Variants in MACROD2 observed in about 807,000 individuals in gnomAD.
MACROD2 encodes the protein mono-ADP ribosylhydrolase 2.
MACROD2 carries 36 observed loss-of-function variants against 70.4 expected under a neutral mutation model. The observed-to-expected ratio is 0.51, with a 90% CI of 0.39 to 0.68. The LOEUF (loss-of-function observed/expected upper bound fraction) is 0.68, where lower values mean the gene tolerates loss of function less well. Among genes scored for constraint, MACROD2 ranks in the 30% least tolerant of loss-of-function variants. MACROD2 has a pLI of 0.00. For missense variants in MACROD2, 496 were observed against 538.4 expected, an observed-to-expected ratio of 0.92 and a Z score of 0.78; for synonymous variants, 172 against 178.8, an observed-to-expected ratio of 0.96 and a Z score of 0.30.
intron 5 of MACROD2, among the ~76,000 whole-genome samples, chr20:15,206,531 TTTATA>T (rs2076703892): frequency 1.3e-5 from 2 of 151,772 alleles, no homozygotes; most frequent in African/African-American, 4.8e-5. Context: ...CAGAAAGCAT[TTTATA>T]TTAAGTAATT....
chr20:14,003,653 T>C, intron 2 of MACROD2: 1 of 447,926 alleles, frequency 2.2e-6, no homozygotes, highest in South Asian at 1.9e-5. Context: ...AACAGAAGGG[T>C]GGGAAGCCAG....
At chr20:15,242,438 TATA>T (rs2077067717) in intron 6 of MACROD2, among the ~76,000 whole-genome samples, 1 of 152,226 alleles carries the variant, frequency 6.6e-6, no homozygotes, top group Admixed American at 6.5e-5. Context: ...TTATTTTTTA[TATA>T]ATAAGTGTTT....
chr20:15,153,202 G>A (rs183281911), intron 5 of MACROD2, among the ~76,000 whole-genome samples: 89 of 151,930 alleles, frequency 5.9e-4, no homozygotes, highest in African/African-American at 1.8e-3. Flanking sequence ...TGTGAGCAAC[G>A]AGGCTATTTA....
At chr20:15,257,944 TGGA>T (rs1389474717) in intron 6 of MACROD2, among the ~76,000 whole-genome samples, 1 of 151,862 alleles carries the variant, frequency 6.6e-6, no homozygotes, top group Non-Finnish European at 1.5e-5. Context: ...GGACAAGATG[TGGA>T]GGAGGAAGAC....
chr20:15,431,203 C>T (rs6034188), intron 6 of MACROD2, among the ~76,000 whole-genome samples: 96,331 of 151,760 alleles, frequency 0.63, 31,421 homozygotes, highest in African/African-American at 0.77. Flanking sequence ...AGTTGGTTCT[C>T]GTGAGCTGAT....
intron 10 of MACROD2, among the ~76,000 whole-genome samples, chr20:15,932,929 G>A (rs527725061): frequency 9.2e-5 from 14 of 152,300 alleles, no homozygotes; most frequent in African/African-American, 3.1e-4. Flanking sequence ...CTTACACAGT[G>A]CATGTTACTT....
chr20:14,477,395 A>C (rs894449999), intron 3 of MACROD2, among the ~76,000 whole-genome samples: 1 of 152,168 alleles, frequency 6.6e-6, no homozygotes, highest in Non-Finnish European at 1.5e-5. Flanking sequence ...CTGTTCATTG[A>C]GTAAGAGGTA....
chr20:15,318,223 C>T (rs2077835455), intron 6 of MACROD2, among the ~76,000 whole-genome samples: 1 of 152,036 alleles, frequency 6.6e-6, no homozygotes, highest in African/African-American at 2.4e-5. Context: ...TAACAAATTA[C>T]AAAACATGGA....
intron 3 of MACROD2, among the ~76,000 whole-genome samples, chr20:14,113,789 A>G (rs768335820): frequency 3.5e-4 from 54 of 152,264 alleles, no homozygotes; most frequent in Non-Finnish European, 6.0e-4. Context: ...ATTATTTTAA[A>G]TGCATAAGCC....
At chr20:15,283,533 A>G (rs770551715) in intron 6 of MACROD2, among the ~76,000 whole-genome samples, 106 of 152,116 alleles carry the variant, frequency 7.0e-4, no homozygotes, top group Non-Finnish European at 1.1e-3. Context: ...TTAGCTGGGC[A>G]TGGTGGCAGG....
chr20:14,249,894 C>A (rs2081996722), intron 3 of MACROD2, among the ~76,000 whole-genome samples: 1 of 152,024 alleles, frequency 6.6e-6, no homozygotes, highest in Non-Finnish European at 1.5e-5. Flanking sequence ...AAACTACACC[C>A]AGACACGGGG....
chr20:14,373,401 T>G (rs905550956), intron 3 of MACROD2, among the ~76,000 whole-genome samples: 1 of 152,162 alleles, frequency 6.6e-6, no homozygotes, highest in Non-Finnish European at 1.5e-5. Context: ...ACAAAAATAA[T>G]GGCAAATGTT....
intron 5 of MACROD2, among the ~76,000 whole-genome samples, chr20:14,936,857 C>A (rs2122694475): frequency 6.6e-6 from 1 of 152,262 alleles, no homozygotes; most frequent in East Asian, 1.9e-4. Flanking sequence ...CCATGCTCTT[C>A]TCCATGTCAG....
intron 3 of MACROD2, among the ~76,000 whole-genome samples, chr20:14,363,161 A>C (rs204627): frequency 0.7 from 105,888 of 152,072 alleles, 37,450 homozygotes; most frequent in Non-Finnish European, 0.75. Flanking sequence ...ATTAAAACTG[A>C]GACATCAGGC....
intron 3 of MACROD2, among the ~76,000 whole-genome samples, chr20:14,380,775 T>C (rs2083413406): frequency 6.6e-6 from 1 of 152,172 alleles, no homozygotes; most frequent in Non-Finnish European, 1.5e-5. Context: ...ATGTCTGTCC[T>C]TATGCCTCCA....
intron 10 of MACROD2, among the ~76,000 whole-genome samples, chr20:15,887,363 G>T (rs961798768): frequency 1.3e-5 from 2 of 152,126 alleles, no homozygotes; most frequent in East Asian, 1.9e-4. Context: ...GGATTCAGAG[G>T]GCATGAGAAG....
At chr20:14,830,345 G>A (rs752798718) in intron 5 of MACROD2, among the ~76,000 whole-genome samples, 1 of 152,030 alleles carries the variant, frequency 6.6e-6, no homozygotes, top group Non-Finnish European at 1.5e-5. Flanking sequence ...TAGTGATTAA[G>A]CTCTGTGCTA....
rs149327167 is a variant in MACROD2 at position 14,989,329 on chromosome 20, G to T, written c.419-240611G>T. ...ATTTTGATACCAGTGGGCTAGGGAA[G>T]ATCCCCAAATGCCAGTGAAACCTTG... On this transcript the variant is annotated intron_variant, in intron 5 of 17. Coordinates refer to ENST00000684519, the MANE Select transcript of MACROD2 (RefSeq NM_001351661.2). 3.7e-4 allele frequency among the ~76,000 whole-genome samples: 57 copies of T among 152,282 alleles called. No individual in the cohort carries two copies. The Middle Eastern group carries it at 0.017, about 45-fold the overall frequency.
intron 8 of MACROD2, among the ~76,000 whole-genome samples, chr20:15,718,805 A>G (rs971930643): frequency 1.3e-5 from 2 of 152,208 alleles, no homozygotes; most frequent in African/African-American, 4.8e-5. Context: ...AGAATATATG[A>G]GAAGAACTAA....
Sources: allele counts gnomAD v4.1 joint callset (sites outside exome capture counted in the v4.1 genomes callset), GRCh38; gene constraint gnomAD v4.1.1; transcripts MANE v1.5; gene names NCBI Gene and HGNC (gene_info 2026-07-23, HGNC 2026-07-21).